The following ARL8A variants were observed in gnomAD, a reference collection of about 807,000 sequenced individuals.
ARL8A encodes the protein ADP-ribosylation factor-like protein 8A.
In ARL8A, 10 loss-of-function variants were observed where a neutral mutation model predicts 31.2. That is an observed-to-expected ratio of 0.32 (90% CI 0.20 to 0.54). The LOEUF (loss-of-function observed/expected upper bound fraction) is 0.54. Ranked by LOEUF, ARL8A falls within the 20% of genes least tolerant of loss-of-function variation. The pLI is 0.93. For missense variants in ARL8A, 129 were observed against 242.8 expected, an observed-to-expected ratio of 0.53 and a Z score of 3.12; for synonymous variants, 70 against 86.9, an observed-to-expected ratio of 0.81 and a Z score of 1.08.
In ARL8A at chr1:202,138,348, C is replaced by A. The variant is rs202180765; in HGVS notation, c.204+20G>T. Reference sequence around the variant, plus strand: ...ACACAAAAACAGTCCTCTGCACCCCCCAAGCTTCTGGGCCCTCACCTTGAT... The same window carrying A: ...ACACAAAAACAGTCCTCTGCACCCCACAAGCTTCTGGGCCCTCACCTTGAT... On this transcript the variant is annotated intron_variant, in intron 2 of 6. Coordinates refer to ENST00000272217, the MANE Select transcript of ARL8A (RefSeq NM_138795.4). The surrounding 1 kb of genome is among the most constrained non-coding windows in gnomAD (Gnocchi z 4.4). 145 of 1,607,464 alleles carry A rather than the reference C, an allele frequency of 9.0e-5. No homozygotes were observed. Among genetic ancestry groups the A allele is most frequent in the Admixed American group, 3.2e-4 (19 of 59,952 alleles).
chr1:202,143,743 C>G (rs1011842279), intron 1 of ARL8A, among the ~76,000 whole-genome samples: 15 of 152,238 alleles, frequency 9.9e-5, no homozygotes, highest in African/African-American at 3.6e-4. Context: ...TACACCTCAT[C>G]CTCTCTTGTC....
chr1:202,137,893 A>T, intron 3 of ARL8A, 72 bp downstream of exon 3: 1 of 1,523,736 alleles, frequency 6.6e-7, no homozygotes, highest in East Asian at 2.3e-5. Context: ...TGCGCCTCTG[A>T]GGTCCTCGAA....
At chr1:202,143,789 G>A (rs1239828623) in intron 1 of ARL8A, among the ~76,000 whole-genome samples, 1 of 152,184 alleles carries the variant, frequency 6.6e-6, no homozygotes, top group Non-Finnish European at 1.5e-5. Context: ...TGAGCCAGAC[G>A]GAGTCTCCAA....
chr1:202,141,132 G>A (rs770868813), intron 1 of ARL8A, among the ~76,000 whole-genome samples: 6 of 152,114 alleles, frequency 3.9e-5, no homozygotes, highest in Admixed American at 6.5e-5. Flanking sequence ...CAGGCTCCCC[G>A]GCACCAGTAG....
At position 202,144,714 on chromosome 1, in the gene ARL8A, G is replaced by A. The variant is rs1655259083; in HGVS notation, c.-142C>T. 2 of 880,696 alleles carry A rather than the reference G, an allele frequency of 2.3e-6. No individual in the cohort carries two copies. Among genetic ancestry groups the A allele is most frequent in the Admixed American group, 5.8e-5 (1 of 17,246 alleles). The allele number at this position is 880,696 out of a possible 1,614,324, so 54.6% of individuals were successfully genotyped here. On this transcript the variant is annotated 5_prime_UTR_variant, in exon 1 of 7. Coordinates refer to ENST00000272217, the MANE Select transcript of ARL8A (RefSeq NM_138795.4). This position sits in a 1 kb window ranked among gnomAD's most constrained non-coding sequence, Gnocchi z 5.2. ...CGGAGGCTCGAGCGCGGCTGCCGAC[G>A]ACTCGCTGCCCCGGAATCGGCTCGC...
Position 202,144,539 on chromosome 1 carries a change from AC to A in ARL8A, c.33del (p.Trp11CysfsTer29). The A allele has an allele frequency of 6.8e-7, 1 of 1,474,262 alleles. No individual in the cohort carries two copies. The highest frequency in any genetic ancestry group is 9.1e-7 in the Non-Finnish European group (1 of 1,094,120). 91.3% of individuals were successfully genotyped at this position (1,474,262 alleles called of 1,614,324 possible). MIALFNKLLD[W>X]FKALFWKEEM... Reference sequence around the variant, plus strand: ...TCCTCCTTCCAGAATAGGGCCTTGAACCAGTCCAGCAGCTTGTTGAACAAAG... The same window carrying A: ...TCCTCCTTCCAGAATAGGGCCTTGAACAGTCCAGCAGCTTGTTGAACAAAG... On this transcript the variant is annotated frameshift_variant, in exon 1 of 7. Transcript: ENST00000272217. LOFTEE classifies it high-confidence loss of function. This position sits in a 1 kb window ranked among gnomAD's most constrained non-coding sequence, Gnocchi z 5.2.
In ARL8A at chr1:202,135,900, T is replaced by C; in HGVS notation, c.279-100A>G. 1 of 1,151,118 alleles carries C rather than the reference T, an allele frequency of 8.7e-7. No individual in the cohort carries two copies. Among genetic ancestry groups the C allele is most frequent in the Non-Finnish European group, 1.3e-6 (1 of 773,896 alleles). The allele number at this position is 1,151,118 out of a possible 1,614,324, so 71.3% of individuals were successfully genotyped here. ...GCTGCTTGGAGGTGAAAGCATCTGT[T>C]GCAGCTTGGTCACCTCGGGATCCAT... On this transcript the variant is annotated intron_variant, in intron 3 of 6. Coordinates refer to ENST00000272217, the MANE Select transcript of ARL8A (RefSeq NM_138795.4). The surrounding 1 kb of genome is among the most constrained non-coding windows in gnomAD (Gnocchi z 5.3).
Position 202,138,235 on chromosome 1 carries a change from G to C in ARL8A, c.204+133C>G, listed in dbSNP as rs897271572. The C allele has an allele frequency of 8.4e-7, 1 of 1,184,010 alleles. No individual in the cohort carries two copies. The highest frequency in any genetic ancestry group is 1.5e-5 in the African/African-American group (1 of 65,698). The allele number at this position is 1,184,010 out of a possible 1,614,324, so 73.3% of individuals were successfully genotyped here. A position where few individuals can be genotyped will look rare whatever the true frequency, so the allele number is the denominator to read the frequency against. Reference sequence around the variant, plus strand: ...TCTTTTCCCAGCTCCTCAGCAGGGGGACCCTGGCCTCTGCCCCACTTCAGC... The same window carrying C: ...TCTTTTCCCAGCTCCTCAGCAGGGGCACCCTGGCCTCTGCCCCACTTCAGC... On this transcript the variant is annotated intron_variant, in intron 2 of 6. Transcript: ENST00000272217. The surrounding 1 kb of genome is among the most constrained non-coding windows in gnomAD (Gnocchi z 4.4).
chr1:202,143,194 G>C (rs2147814575), intron 1 of ARL8A, among the ~76,000 whole-genome samples: 1 of 152,312 alleles, frequency 6.6e-6, no homozygotes, highest in South Asian at 2.1e-4. Flanking sequence ...GTTTGGGAAA[G>C]GAAGCCAGTG....
Position 202,144,694 on chromosome 1 carries a change from G to C in ARL8A, c.-122C>G. 1.6e-5 allele frequency: 16 copies of C among 1,011,514 alleles called. No homozygotes were observed. Among genetic ancestry groups the C allele is most frequent in the Non-Finnish European group, 1.9e-5 (16 of 837,868 alleles). 62.7% of individuals were successfully genotyped at this position (1,011,514 alleles called of 1,614,324 possible). On this transcript the variant is annotated 5_prime_UTR_variant, in exon 1 of 7. Transcript: ENST00000272217. This position sits in a 1 kb window ranked among gnomAD's most constrained non-coding sequence, Gnocchi z 5.2. ...GTCCCGCGGCTCGGTGCGGGCGGAG[G>C]CTCGAGCGCGGCTGCCGACGACTCG...
Position 202,138,546 on chromosome 1 carries a change from C to A in ARL8A, c.124-98G>T, listed in dbSNP as rs1558306368. ...GAACCATGCAGAGGCCAGGCCAGAG[C>A]TTCCTAGACTTCCCACTGTGGGGTA... is the stretch of plus-strand genomic sequence containing the variant. On this transcript the variant is annotated intron_variant, in intron 1 of 6. Coordinates refer to ENST00000272217, the MANE Select transcript of ARL8A (RefSeq NM_138795.4). The surrounding 1 kb of genome is among the most constrained non-coding windows in gnomAD (Gnocchi z 4.4). 11 of 1,086,398 alleles carry A rather than the reference C, an allele frequency of 1.0e-5. No homozygotes were observed. The East Asian group carries it at 2.2e-4, about 21-fold the overall frequency. The allele number at this position is 1,086,398 out of a possible 1,614,324, so 67.3% of individuals were successfully genotyped here.
intron 1 of ARL8A, among the ~76,000 whole-genome samples, chr1:202,142,502 C>T (rs541022539): frequency 7.6e-4 from 116 of 152,368 alleles, no homozygotes; most frequent in Non-Finnish European, 1.5e-3. Context: ...GACCGGGACA[C>T]TGGAATTCCA....
rs1244484413 is a variant in ARL8A at position 202,144,481 on chromosome 1, G to A, written c.92C>T (p.Ser31Leu). The A allele has an allele frequency of 1.4e-6, 2 of 1,476,464 alleles. No homozygotes were observed. Among genetic ancestry groups the A allele is most frequent in the East Asian group, 3.1e-5 (1 of 32,086 alleles). 91.5% of individuals were successfully genotyped at this position (1,476,464 alleles called of 1,614,324 possible). A position where few individuals can be genotyped will look rare whatever the true frequency, so the allele number is the denominator to read the frequency against. Reference sequence around the variant, plus strand: ...CACGTTGACGAAGGTGGTCTTGCCCGAGTACTGAAGCCCGACCAGCGTGAG... The same window carrying A: ...CACGTTGACGAAGGTGGTCTTGCCCAAGTACTGAAGCCCGACCAGCGTGAG... The part of the protein sequence containing the change: ...MELTLVGLQY[S>L]GKTTFVNVIA... Residue 31 changes from serine (S) to leucine (L), a missense_variant, in exon 1 of 7, where the codon TCG becomes TTG. Coordinates refer to ENST00000272217, the MANE Select transcript of ARL8A (RefSeq NM_138795.4). The surrounding 1 kb of genome is among the most constrained non-coding windows in gnomAD (Gnocchi z 5.2).
chr1:202,138,502 G>A lies in ARL8A; in HGVS notation c.124-54C>T, dbSNP rs1048482473. 20 of 1,541,266 alleles carry A rather than the reference G, an allele frequency of 1.3e-5. No homozygotes were observed. The highest frequency in any genetic ancestry group is 1.7e-4 in the Middle Eastern group (1 of 5,920). Reference sequence around the variant, plus strand: ...GTGCAAAAATCGATATGCCCCCACCGCAGACCAAGAGGCTGCGAGAACCAT... The same window carrying A: ...GTGCAAAAATCGATATGCCCCCACCACAGACCAAGAGGCTGCGAGAACCAT... On this transcript the variant is annotated intron_variant, in intron 1 of 6. Coordinates refer to ENST00000272217, the MANE Select transcript of ARL8A (RefSeq NM_138795.4). This position sits in a 1 kb window ranked among gnomAD's most constrained non-coding sequence, Gnocchi z 4.4.
At chr1:202,137,923 C>T (rs1008288111) in intron 3 of ARL8A, 42 bp downstream of exon 3, 3 of 1,609,274 alleles carry the variant, frequency 1.9e-6, no homozygotes, top group African/African-American at 2.7e-5. Context: ...GCTAGGGGGG[C>T]CGGGTAAGGC....
rs756337108 is a variant in ARL8A at position 202,134,552 on chromosome 1, C to T, written c.512-36G>A. 1.0e-5 allele frequency: 16 copies of T among 1,583,526 alleles called. No homozygotes were observed. In the South Asian group the frequency reaches 1.7e-4, roughly 16 times the overall value. On this transcript the variant is annotated intron_variant, in intron 6 of 6. Transcript: ENST00000272217. The surrounding 1 kb of genome is among the most constrained non-coding windows in gnomAD (Gnocchi z 4.2). ...AAAAGAGAACAGCTTATAAGGCCTG[C>T]AAGTACTGGCCGTGCTGGGGCAGCA...
At position 202,138,675 on chromosome 1, in the gene ARL8A, GTC is replaced by G. The variant is rs1655084626; in HGVS notation, c.124-229_124-228del. On this transcript the variant is annotated intron_variant, in intron 1 of 6. Transcript: ENST00000272217. The surrounding 1 kb of genome is among the most constrained non-coding windows in gnomAD (Gnocchi z 4.4). ...TGAAAAGACCCGCTTTTGTCAGACA[GTC>G]TCAATCTCTTTGCCTAGACTAGGGG... Among the ~76,000 whole-genome samples, 2 of 152,154 alleles carry G rather than the reference GTC, an allele frequency of 1.3e-5. No individual in the cohort carries two copies. Among genetic ancestry groups the G allele is most frequent in the African/African-American group, 4.8e-5 (2 of 41,426 alleles).
At chr1:202,136,982 G>C (rs1037179133) in intron 3 of ARL8A, among the ~76,000 whole-genome samples, 1 of 152,090 alleles carries the variant, frequency 6.6e-6, no homozygotes, top group Non-Finnish European at 1.5e-5. Context: ...AGCCTCGCGA[G>C]TAGCTGGGAC....
chr1:202,144,307 G>C lies in ARL8A; in HGVS notation c.123+143C>G, dbSNP rs946902188. 2 of 485,202 alleles carry C rather than the reference G, an allele frequency of 4.1e-6. No homozygotes were observed. Among genetic ancestry groups the C allele is most frequent in the African/African-American group, 2.1e-5 (1 of 47,488 alleles). 30.1% of individuals were successfully genotyped at this position (485,202 alleles called of 1,614,324 possible). ...GGGCCGTACTAGGCCCCAAGCGCTC[G>C]GGGCCGGCTCCTCCCCCGCCCGGCG... On this transcript the variant is annotated intron_variant, in intron 1 of 6. Transcript: ENST00000272217. This position sits in a 1 kb window ranked among gnomAD's most constrained non-coding sequence, Gnocchi z 5.2.
Sources: allele counts gnomAD v4.1 joint callset (sites outside exome capture counted in the v4.1 genomes callset), GRCh38; gene constraint gnomAD v4.1.1; non-coding constraint Gnocchi (gnomAD v3.1); transcripts MANE v1.5; gene names NCBI Gene and HGNC (gene_info 2026-07-23, HGNC 2026-07-21).